The following SMAD2 variants were observed in gnomAD, a reference collection of about 807,000 sequenced individuals.
SMAD2 encodes the protein MAD homolog 2.
SMAD2 carries 8 observed loss-of-function variants against 64.4 expected under a neutral mutation model. The observed-to-expected ratio is 0.12, with a 90% CI of 0.07 to 0.22. SMAD2 has a LOEUF of 0.22. SMAD2 is among the 10% of genes least tolerant of loss of function. The probability of loss-of-function intolerance (pLI) is 1.00; values close to 1 mark genes in which losing one functional copy is unlikely to be tolerated. For missense variants in SMAD2, 289 were observed against 561.2 expected (o/e 0.51, Z 4.90); for synonymous variants, 203 against 195.8 (o/e 1.04, Z -0.31).
intron 10 of SMAD2, among the ~76,000 whole-genome samples, chr18:47,842,328 T>C (rs540968662): frequency 6.6e-6 from 1 of 152,044 alleles, no homozygotes; most frequent in East Asian, 1.9e-4. Flanking sequence ...GATCACAAGG[T>C]CAAGAGATTG....
chr18:47,858,713 C>A (rs1446912081), intron 6 of SMAD2, among the ~76,000 whole-genome samples: 1 of 152,166 alleles, frequency 6.6e-6, no homozygotes, highest in Non-Finnish European at 1.5e-5. Flanking sequence ...AAATAAACTT[C>A]TAGGTATAAC....
intron 6 of SMAD2, among the ~76,000 whole-genome samples, chr18:47,862,208 T>C (rs2031240691): frequency 6.6e-6 from 1 of 152,258 alleles, no homozygotes; most frequent in South Asian, 2.1e-4. Flanking sequence ...GAAGTACCTG[T>C]ATATAACTTA....
intron 1 of SMAD2, among the ~76,000 whole-genome samples, chr18:47,897,960 T>C (rs973159281): frequency 1.3e-5 from 2 of 152,232 alleles, no homozygotes; most frequent in African/African-American, 4.8e-5. Flanking sequence ...GTCTGTAGTC[T>C]TTACATCACA....
chr18:47,887,677 C>G (rs185438201), intron 2 of SMAD2, among the ~76,000 whole-genome samples: 2 of 152,276 alleles, frequency 1.3e-5, no homozygotes, highest in East Asian at 3.9e-4. Context: ...AAGTGCTGGC[C>G]CACTCCCATT....
Position 47,840,209 on chromosome 18 carries a change from T to C in SMAD2, c.*1618A>G, listed in dbSNP as rs974228576. 1.7e-4 allele frequency: 39 copies of C among 232,978 alleles called. No homozygotes were observed. Among genetic ancestry groups the C allele is most frequent in the Admixed American group, 9.0e-4 (16 of 17,796 alleles). The allele number at this position is 232,978 out of a possible 1,614,324, so 14.4% of individuals were successfully genotyped here. A position where few individuals can be genotyped will look rare whatever the true frequency, so the allele number is the denominator to read the frequency against. ...TTGAAAGTATTGAAAATGATACCTA[T>C]AGAGACAGGTGGATATGATTTCAAA... On this transcript the variant is annotated 3_prime_UTR_variant, in exon 11 of 11. Transcript: ENST00000262160.
At chr18:47,867,677 C>T (rs920549131) in intron 5 of SMAD2, among the ~76,000 whole-genome samples, 26 of 146,894 alleles carry the variant, frequency 1.8e-4, no homozygotes, top group African/African-American at 5.7e-4. Context: ...AAAAAGAAAC[C>T]ATAAAAAACG....
chr18:47,824,450 T>C lies in SMAD2; in HGVS notation c.*17377A>G, dbSNP rs1285395075. 1 of 152,206 alleles carries C rather than the reference T, an allele frequency of 6.6e-6. No homozygotes were observed. Among genetic ancestry groups the C allele is most frequent in the African/African-American group, 2.4e-5 (1 of 41,452 alleles). 9.4% of individuals were successfully genotyped at this position (152,206 alleles called of 1,614,324 possible). On this transcript the variant is annotated 3_prime_UTR_variant, in exon 11 of 11. Coordinates refer to ENST00000262160, the MANE Select transcript of SMAD2 (RefSeq NM_005901.6). ...CCAAGAATAATTATTTCAAGACAAT[T>C]ATATAATCTTTATCTGTCCTTTAAA...
rs994945444 is a variant in SMAD2 at position 47,817,554 on chromosome 18, G to C, written c.*24273C>G. On this transcript the variant is annotated 3_prime_UTR_variant, in exon 11 of 11. Coordinates refer to ENST00000262160, the MANE Select transcript of SMAD2 (RefSeq NM_005901.6). ...GGGCTCAAGCGATCCTCCTGCCTTG[G>C]CCTCCCAAAGTGCTGGGATTACAGG... 1 of 152,568 alleles carries C rather than the reference G, an allele frequency of 6.6e-6. No homozygotes were observed. The highest frequency in any genetic ancestry group is 1.5e-5 in the Non-Finnish European group (1 of 68,420). The allele number at this position is 152,568 out of a possible 1,614,324, so 9.5% of individuals were successfully genotyped here.
rs1186082569 is a variant in SMAD2, at chr18:47,836,473, C to G, written c.*5354G>C. 1 of 220,082 alleles carries G rather than the reference C, an allele frequency of 4.5e-6. No homozygotes were observed. Among genetic ancestry groups the G allele is most frequent in the Non-Finnish European group, 9.1e-6 (1 of 109,978 alleles). 13.6% of individuals were successfully genotyped at this position (220,082 alleles called of 1,614,324 possible). ...ATGGCAGATTAAGAAAATTAATGTA[C>G]TCCAATGGTCTGTCCATGAAAGGAA... is the stretch of plus-strand genomic sequence containing the variant. On this transcript the variant is annotated 3_prime_UTR_variant, in exon 11 of 11. Coordinates refer to ENST00000262160, the MANE Select transcript of SMAD2 (RefSeq NM_005901.6).
rs749132878 is a variant in SMAD2 at position 47,867,403 on chromosome 18, G to C, written c.655+920C>G. The C allele has an allele frequency of 6.4e-4, 97 of 151,450 alleles. 1 individual carries two copies. The highest frequency in any genetic ancestry group is 9.4e-4 in the Non-Finnish European group (64 of 67,916). 9.4% of individuals were successfully genotyped at this position (151,450 alleles called of 1,614,324 possible). ...ATGAATAAGCATTATTTCCATGATG[G>C]ATACATGAAAGAAATAATTGTTTAA... On this transcript the variant is annotated intron_variant, in intron 5 of 10. Coordinates refer to ENST00000262160, the MANE Select transcript of SMAD2 (RefSeq NM_005901.6).
intron 6 of SMAD2, among the ~76,000 whole-genome samples, chr18:47,858,224 T>C (rs2030885239): frequency 6.6e-6 from 1 of 152,176 alleles, no homozygotes; most frequent in African/African-American, 2.4e-5. Context: ...ACATATTAAC[T>C]GGACACAAAT....
intron 1 of SMAD2, among the ~76,000 whole-genome samples, chr18:47,915,055 G>T (rs959221551): frequency 6.6e-6 from 1 of 151,986 alleles, no homozygotes; most frequent in Non-Finnish European, 1.5e-5. Context: ...TGTAAATGGG[G>T]ACTTTAATTA....
At chr18:47,918,321 G>C (rs145906224) in intron 1 of SMAD2, among the ~76,000 whole-genome samples, 3 of 152,132 alleles carry the variant, frequency 2.0e-5, no homozygotes, top group African/African-American at 4.8e-5. Context: ...TCCTCCACTG[G>C]GTTTTGGCTC....
chr18:47,842,543 T>TG (rs1281667424), intron 10 of SMAD2, among the ~76,000 whole-genome samples: 4 of 151,180 alleles, frequency 2.6e-5, no homozygotes, highest in Non-Finnish European at 5.9e-5. Context: ...TGTCTCGGGG[T>TG]GGGGGGCAGA....
intron 1 of SMAD2, chr18:47,922,654 T>C (rs956352150): frequency 3.3e-5 from 5 of 152,132 alleles, no homozygotes; most frequent in Non-Finnish European, 7.3e-5. Flanking sequence ...TGTTCAAACA[T>C]ACTACAAGGC....
In SMAD2 at chr18:47,815,046, A is replaced by C. The variant is rs1266591860; in HGVS notation, c.*26781T>G. On this transcript the variant is annotated 3_prime_UTR_variant, in exon 11 of 11. Coordinates refer to ENST00000262160, the MANE Select transcript of SMAD2 (RefSeq NM_005901.6). Reference sequence around the variant, plus strand: ...GATGAGCACCAGCAGCAGGACCGTCAAGGACCTCAGCACATACATTAGAGA... The same window carrying C: ...GATGAGCACCAGCAGCAGGACCGTCCAGGACCTCAGCACATACATTAGAGA... The C allele has an allele frequency of 6.6e-6, 1 of 152,384 alleles. No individual in the cohort carries two copies. Among genetic ancestry groups the C allele is most frequent in the Non-Finnish European group, 1.5e-5 (1 of 68,212 alleles). 9.4% of individuals were successfully genotyped at this position (152,384 alleles called of 1,614,324 possible).
rs1912386961 is a variant in SMAD2, at chr18:47,816,788, TAG to T, written c.*25037_*25038del. On this transcript the variant is annotated 3_prime_UTR_variant, in exon 11 of 11. Coordinates refer to ENST00000262160, the MANE Select transcript of SMAD2 (RefSeq NM_005901.6). ...TCTTTTTTTTTTTTTTTTGGAGACG[TAG>T]TTTTGCACTGTCGCCCAGGCTGGAG... 10 of 146,206 alleles carry T rather than the reference TAG, an allele frequency of 6.8e-5. No individual in the cohort carries two copies. The highest frequency in any genetic ancestry group is 6.8e-5 in the Admixed American group (1 of 14,624). 9.1% of individuals were successfully genotyped at this position (146,206 alleles called of 1,614,324 possible).
At position 47,820,897 on chromosome 18, in the gene SMAD2, ACACAC is replaced by A. The variant is rs1912549820; in HGVS notation, c.*20925_*20929del. The A allele has an allele frequency of 3.4e-3, 1 of 290 alleles. No homozygotes were observed. Among genetic ancestry groups the A allele is most frequent in the Non-Finnish European group, 0.012 (1 of 82 alleles). 0.0% of individuals were successfully genotyped at this position (290 alleles called of 1,614,324 possible). A position where few individuals can be genotyped will look rare whatever the true frequency, so the allele number is the denominator to read the frequency against. ...AGTGTAAATGCTATACATGCACTAT[ACACAC>A]ACACACACACACACACACACACACA... is the stretch of plus-strand genomic sequence containing the variant. On this transcript the variant is annotated 3_prime_UTR_variant, in exon 11 of 11. Transcript: ENST00000262160.
At chr18:47,860,881 CTCAA>C (rs2031123895) in intron 6 of SMAD2, among the ~76,000 whole-genome samples, 1 of 152,036 alleles carries the variant, frequency 6.6e-6, no homozygotes, top group Non-Finnish European at 1.5e-5. Context: ...AAAGAACTTC[CTCAA>C]TCAGATACAA....
Sources: gnomAD v4.1 joint callset for allele counts (sites outside exome capture counted in the v4.1 genomes callset) on GRCh38, gnomAD v4.1.1 for gene constraint, MANE v1.5 for transcripts, NCBI Gene and HGNC (gene_info 2026-07-23, HGNC 2026-07-21) for gene names.